EFCAB8: variants seen among roughly 807,000 people sequenced by gnomAD.
EFCAB8 encodes EF-hand calcium binding domain 8, also known as EF-hand calcium-binding domain-containing protein 8.
In EFCAB8, 100 loss-of-function variants were observed where a neutral mutation model predicts 116.3. The ratio of observed to expected loss-of-function variants is 0.86; its 90% confidence interval spans 0.73 to 1.02. EFCAB8 has a LOEUF of 1.02. Among genes scored for constraint, EFCAB8 ranks in the 50% least tolerant of loss-of-function variants. The pLI is 0.00. For missense variants in EFCAB8, 1,320 were observed against 1,416.9 expected, an observed-to-expected ratio of 0.93 and a Z score of 1.10; for synonymous variants, 558 against 567.9, an observed-to-expected ratio of 0.98 and a Z score of 0.25.
chr20:32,906,569 G>C lies in EFCAB8; in HGVS notation c.1096G>C (p.Val366Leu). ...ACTCCTTTGATATTGTAGGTTGTCA[G>C]TGCTGCGTTTAAGGAAAGGGATTCT... ...AKASKKPRLS[V>L]LRLRKGILCF... is the part of the protein sequence containing the mutation. Residue 366 changes from valine to leucine, a missense_variant, in exon 12 of 27, where the codon GTG becomes CTG. Coordinates refer to ENST00000400522, the MANE Select transcript of EFCAB8 (RefSeq NM_001143967.2). 1 of 718,550 alleles carries C rather than the reference G, an allele frequency of 1.4e-6. No individual in the cohort carries two copies. Among genetic ancestry groups the C allele is most frequent in the Non-Finnish European group, 2.6e-6 (1 of 385,096 alleles). 44.5% of individuals were successfully genotyped at this position (718,550 alleles called of 1,614,324 possible). A position where few individuals can be genotyped will look rare whatever the true frequency, so the allele number is the denominator to read the frequency against.
intron 11 of EFCAB8, among the ~76,000 whole-genome samples, chr20:32,901,988 G>GT (rs1427570422): frequency 6.6e-6 from 1 of 152,172 alleles, no homozygotes; most frequent in Admixed American, 6.5e-5. Flanking sequence ...TCCTGGCCTT[G>GT]TTTTTTAAAT....
At chr20:32,943,609 G>T in intron 22 of EFCAB8, 27 bp from the exon 23 acceptor site, 1 of 416,892 alleles carries the variant, frequency 2.4e-6, no homozygotes, top group Non-Finnish European at 4.4e-6. Context: ...CTTGGTAAAA[G>T]TGTTTCTCCT....
intron 17 of EFCAB8, among the ~76,000 whole-genome samples, chr20:32,914,039 C>T (rs1233000117): frequency 6.6e-6 from 1 of 152,240 alleles, no homozygotes; most frequent in South Asian, 2.1e-4. Flanking sequence ...CACTTCCCTG[C>T]ATGAGCCCCC....
chr20:32,899,298 G>C (rs968879342), intron 11 of EFCAB8, among the ~76,000 whole-genome samples: 1 of 150,966 alleles, frequency 6.6e-6, no homozygotes, highest in Non-Finnish European at 1.5e-5. Context: ...CCAGCTACTC[G>C]GGAGGCTGAG....
rs565048469 is a variant in EFCAB8, at chr20:32,897,107, G to C, written c.957+580G>C. On this transcript the variant is annotated intron_variant, in intron 10 of 26. Transcript: ENST00000400522. Reference sequence around the variant, plus strand: ...CATGTGCTGCGCCTTCAGGCCGCGGGGCTCTCCCCTAAGGTACCTGTATTC... The same window carrying C: ...CATGTGCTGCGCCTTCAGGCCGCGGCGCTCTCCCCTAAGGTACCTGTATTC... 2.6e-5 allele frequency among the ~76,000 whole-genome samples: 4 copies of C among 152,188 alleles called. No homozygotes were observed. The East Asian group carries it at 7.8e-4, about 30-fold the overall frequency.
At position 32,959,902 on chromosome 20, in the gene EFCAB8, C is replaced by G. The variant is rs760248956; in HGVS notation, c.3214C>G (p.Leu1072Val). Reference sequence around the variant, plus strand: ...TTGGGCCAAGCTGCAGAAGATGGCCCTGATGTCCCCGTGGGCCGGAGAGCG... The same window carrying G: ...TTGGGCCAAGCTGCAGAAGATGGCCGTGATGTCCCCGTGGGCCGGAGAGCG... ...DTWAKLQKMA[L>V]MSPWAGERPL... The change falls in exon 25 of 27, where the codon CTG becomes GTG. Residue 1072 changes from leucine to valine, a missense_variant. By Grantham distance (32) the Leu-to-Val change is conservative (BLOSUM62 1). Transcript: ENST00000400522. 6.4e-7 allele frequency: 1 copy of G among 1,551,692 alleles called. No individual in the cohort carries two copies.
At chr20:32,936,109 T>G (rs774559140) in intron 22 of EFCAB8, among the ~76,000 whole-genome samples, 3 of 151,944 alleles carry the variant, frequency 2.0e-5, no homozygotes, top group Non-Finnish European at 4.4e-5. Context: ...CTCAGCTCAC[T>G]GCAACCTCTG....
Position 32,961,264 on chromosome 20 carries a change from G to A in EFCAB8, c.3522G>A (p.Gln1174=), listed in dbSNP as rs1989142209. 1 of 1,551,218 alleles carries A rather than the reference G, an allele frequency of 6.4e-7. No homozygotes were observed. The change falls in exon 27 of 27, where the codon CAG becomes CAA. Residue 1174 remains glutamine, a synonymous_variant. Transcript: ENST00000400522. The stretch of plus-strand genomic sequence containing the variant: ...TCCGCCTGGTGGCCCACCATGTCCA[G>A]AAGGACCTGGTGCCCAGCAGGGAGC... The part of the protein sequence containing the change: ...QHIRLVAHHV[Q]KDLVPSREQA...
intron 20 of EFCAB8, among the ~76,000 whole-genome samples, chr20:32,928,569 C>T (rs1279168383): frequency 6.6e-6 from 1 of 152,142 alleles, no homozygotes; most frequent in Non-Finnish European, 1.5e-5. Flanking sequence ...ACTTTGTATC[C>T]TGCCATTTTG....
intron 1 of EFCAB8, among the ~76,000 whole-genome samples, chr20:32,860,977 C>T (rs547232451): frequency 2.6e-5 from 4 of 151,992 alleles, no homozygotes; most frequent in African/African-American, 4.8e-5. Context: ...TGGGCTCAAG[C>T]GATCTTCCCA....
chr20:32,885,384 G>A (rs1044674815), intron 5 of EFCAB8, 121 bp from the exon 6 acceptor site: 92 of 1,339,228 alleles, frequency 6.9e-5, no homozygotes, highest in Non-Finnish European at 8.8e-5. Flanking sequence ...ATGTGCGTGC[G>A]TGTGCGTGAC....
chr20:32,951,246 A>AT (rs1467956867), intron 23 of EFCAB8, among the ~76,000 whole-genome samples: 1 of 152,310 alleles, frequency 6.6e-6, no homozygotes, highest in Non-Finnish European at 1.5e-5. Flanking sequence ...TCACAGCAGT[A>AT]TTTTTTTGTG....
At chr20:32,910,198 G>C (rs1312481929) in intron 15 of EFCAB8, among the ~76,000 whole-genome samples, 1 of 152,228 alleles carries the variant, frequency 6.6e-6, no homozygotes, top group Non-Finnish European at 1.5e-5. Context: ...TGAGCGCCTT[G>C]GGTCAGCTCT....
At chr20:32,958,114 A>T (rs969367080) in intron 23 of EFCAB8, among the ~76,000 whole-genome samples, 19 of 151,962 alleles carry the variant, frequency 1.3e-4, no homozygotes, top group Non-Finnish European at 2.6e-4. Flanking sequence ...CACACAAGCT[A>T]CCTGAAGCCC....
At chr20:32,936,395 A>G (rs1988121562) in intron 22 of EFCAB8, among the ~76,000 whole-genome samples, 1 of 152,164 alleles carries the variant, frequency 6.6e-6, no homozygotes, top group African/African-American at 2.4e-5. Context: ...GCTCAGATCA[A>G]TGTCATGGAG....
intron 11 of EFCAB8, among the ~76,000 whole-genome samples, chr20:32,901,549 C>T (rs367945984): frequency 1.4e-5 from 2 of 145,814 alleles, no homozygotes; most frequent in Admixed American, 1.3e-4. Flanking sequence ...CTCTGTGGGC[C>T]GGGCCTGCTG....
chr20:32,892,464 TTCTC>T (rs1462974509), intron 8 of EFCAB8, among the ~76,000 whole-genome samples, 167 bp downstream of exon 8: 7 of 152,126 alleles, frequency 4.6e-5, no homozygotes, highest in African/African-American at 1.7e-4. Flanking sequence ...ACCAGGCTGC[TTCTC>T]TCTCAGGGTC....
At chr20:32,911,343 G>GC in intron 15 of EFCAB8, 137 bp from the exon 16 acceptor site, 1 of 683,562 alleles carries the variant, frequency 1.5e-6, no homozygotes, top group Non-Finnish European at 2.3e-6. Context: ...TTCAAAAGTG[G>GC]CTTATGCTGT....
intron 20 of EFCAB8, among the ~76,000 whole-genome samples, chr20:32,923,459 C>G (rs1304378678): frequency 1.3e-5 from 2 of 152,076 alleles, no homozygotes; most frequent in Non-Finnish European, 2.9e-5. Flanking sequence ...GCACTCCAGC[C>G]TGGGTGACAC....
Sources: allele counts gnomAD v4.1 joint callset (sites outside exome capture counted in the v4.1 genomes callset), GRCh38; gene constraint gnomAD v4.1.1; transcripts MANE v1.5; gene names NCBI Gene and HGNC (gene_info 2026-07-23, HGNC 2026-07-21).